TARS1: variants seen among roughly 807,000 people sequenced by gnomAD.
The protein encoded by TARS1 is threonyl-tRNA synthetase 1.
TARS1 carries 57 observed loss-of-function variants against 97.7 expected under a neutral mutation model. That is an observed-to-expected ratio of 0.58 (90% confidence interval 0.47 to 0.73). TARS1 has a LOEUF of 0.73. Ranked by LOEUF, TARS1 falls within the 30% of genes least tolerant of loss-of-function variation. The pLI is 0.00. For missense variants in TARS1, 806 were observed against 888.3 expected (o/e 0.91, Z 1.18); for synonymous variants, 312 against 293.7 (o/e 1.06, Z -0.64).
At chr5:33,459,312 G>GT (rs139535792) in intron 10 of TARS1, among the ~76,000 whole-genome samples, 3,575 of 152,240 alleles carry the variant, frequency 0.023, 52 homozygotes, top group South Asian at 0.081. Context: ...ATGTATTTGT[G>GT]TGTTACATAT....
chr5:33,452,399 A>C (rs1561071806), intron 3 of TARS1: 13 of 1,535,116 alleles, frequency 8.5e-6, no homozygotes, highest in South Asian at 1.2e-5. Context: ...ATCTGTGGCC[A>C]TTCCCTCATC....
chr5:33,445,264 G>T, intron 1 of TARS1, 60 bp from the exon 2 acceptor site: 1 of 1,257,948 alleles, frequency 7.9e-7, no homozygotes, highest in Non-Finnish European at 1.1e-6. Context: ...ACTTCCTGGG[G>T]CATCACAGGA....
intron 2 of TARS1, chr5:33,446,783 A>G (rs1026551737): frequency 4.7e-6 from 6 of 1,277,204 alleles, no homozygotes; most frequent in South Asian, 2.5e-5. Context: ...GATTATAATG[A>G]TGCTTTAGAG....
In TARS1 at chr5:33,463,547, G is replaced by A. The variant is rs111820262; in HGVS notation, c.1836-206G>A. On this transcript the variant is annotated intron_variant, in intron 16 of 18. Transcript: ENST00000265112. Reference sequence around the variant, plus strand: ...AATTGTAGTTACAGGCTTTCCTTACGTAGGGTTAGTTTTCTTCTCCTGCAT... The same window carrying A: ...AATTGTAGTTACAGGCTTTCCTTACATAGGGTTAGTTTTCTTCTCCTGCAT... Among the ~76,000 whole-genome samples, 3 of 152,280 alleles carry A rather than the reference G, an allele frequency of 2.0e-5. No homozygotes were observed. In the South Asian group the frequency reaches 6.2e-4, roughly 32 times the overall value.
chr5:33,459,591 C>T (rs1451939673), intron 10 of TARS1, 104 bp from the exon 11 acceptor site: 25 of 1,325,348 alleles, frequency 1.9e-5, no homozygotes, highest in Non-Finnish European at 1.4e-5. Context: ...GGCATGTGTC[C>T]ATCTTTTTCA....
chr5:33,467,434 C>T, intron 18 of TARS1, 126 bp from the exon 19 acceptor site: 1 of 1,035,790 alleles, frequency 9.7e-7, no homozygotes, highest in Non-Finnish European at 1.4e-6. Context: ...GTCACTTGTA[C>T]CTTTTAATGT....
At chr5:33,442,545 C>CT (rs1312136635) in intron 1 of TARS1, among the ~76,000 whole-genome samples, 4 of 151,782 alleles carry the variant, frequency 2.6e-5, no homozygotes, top group Admixed American at 6.6e-5. Context: ...ATTCAGTCTT[C>CT]TTTTTTTTGA....
chr5:33,462,168 G>A lies in TARS1; in HGVS notation c.1800G>A (p.Met600Ile), dbSNP rs780832275. 6.2e-7 allele frequency: 1 copy of A among 1,612,892 alleles called. No individual in the cohort carries two copies. The highest frequency in any genetic ancestry group is 1.1e-5 in the South Asian group (1 of 90,998). Residue 600 changes from methionine (M) to isoleucine (I), a missense_variant, in exon 16 of 19, where the codon ATG (methionine) becomes ATA (isoleucine). Met to Ile is a conservative substitution (Grantham distance 10). This residue lies in a region of TARS1 where 446 missense variants were observed against 511.0 expected (regional missense o/e 0.87). Coordinates refer to ENST00000265112, the MANE Select transcript of TARS1 (RefSeq NM_152295.5). ...HRAILGSVER[M>I]IAILTENYGG... ...CCATCTTGGGATCAGTGGAAAGAATGATTGCTATCCTCACAGAAAACTATG... is the reference window on the plus strand; with the variant it reads ...CCATCTTGGGATCAGTGGAAAGAATAATTGCTATCCTCACAGAAAACTATG...
At chr5:33,460,769 A>G (rs1452953209) in intron 11 of TARS1, 133 bp from the exon 12 acceptor site, 1 of 1,073,236 alleles carries the variant, frequency 9.3e-7, no homozygotes, top group East Asian at 2.6e-5. Context: ...TATGTAGCCC[A>G]GAATTTGAGA....
chr5:33,463,603 T>A, intron 16 of TARS1, 150 bp from the exon 17 acceptor site: 1 of 649,238 alleles, frequency 1.5e-6, no homozygotes, highest in Admixed American at 2.6e-5. Flanking sequence ...TGGATAGGTC[T>A]TTTCATTTTG....
intron 6 of TARS1, 141 bp from the exon 7 acceptor site, chr5:33,455,861 C>T: frequency 3.1e-6 from 3 of 980,534 alleles, no homozygotes; most frequent in Middle Eastern, 2.3e-4. Context: ...CATTTTTTTC[C>T]TAGCAAACCA....
intron 16 of TARS1, among the ~76,000 whole-genome samples, chr5:33,462,727 A>G (rs1742353015): frequency 6.6e-6 from 1 of 152,214 alleles, no homozygotes; most frequent in Non-Finnish European, 1.5e-5. Flanking sequence ...ACATGGCCAC[A>G]TAACTTTCAT....
In TARS1 at chr5:33,461,272, G is replaced by A. The variant is rs1368892669; in HGVS notation, c.1528G>A (p.Glu510Lys). 3.7e-6 allele frequency: 6 copies of A among 1,612,434 alleles called. No homozygotes were observed. The highest frequency in any genetic ancestry group is 1.1e-5 in the South Asian group (1 of 90,594). ...TRPEKFLGDIEVWDQAEKQLE... is the reference protein window; with the variant it reads ...TRPEKFLGDIKVWDQAEKQLE... ...CCCGGAAAAATTCCTTGGAGATATC[G>A]AAGTATGGGATCAAGCTGAGAAAGT... Residue 510 changes from glutamate (E) to lysine (K), a missense_variant, in exon 13 of 19, where the codon GAA becomes AAA. Physicochemically the swap from Glu to Lys is moderately conservative, Grantham distance 56. Coordinates refer to ENST00000265112, the MANE Select transcript of TARS1 (RefSeq NM_152295.5).
intron 3 of TARS1, among the ~76,000 whole-genome samples, chr5:33,449,745 G>A (rs549698249): frequency 7.2e-5 from 11 of 151,938 alleles, no homozygotes; most frequent in African/African-American, 2.4e-4. Flanking sequence ...GTGACCCACC[G>A]CGCCCAGCCA....
intron 3 of TARS1, chr5:33,452,548 T>G (rs1741796366): frequency 1.3e-6 from 1 of 763,916 alleles, no homozygotes; most frequent in Non-Finnish European, 2.1e-6. Context: ...ATTTCATCAC[T>G]TGATGATACT....
At chr5:33,458,469 G>A in intron 9 of TARS1, 97 bp from the exon 10 acceptor site, 1 of 940,710 alleles carries the variant, frequency 1.1e-6, no homozygotes, top group Non-Finnish European at 1.6e-6. Flanking sequence ...GGGACATCAT[G>A]ACCATATTCT....
At position 33,445,512 on chromosome 5, in the gene TARS1, G is replaced by T. The variant is rs189613550; in HGVS notation, c.138+108G>T. On this transcript the variant is annotated intron_variant, in intron 2 of 18. Transcript: ENST00000265112. ...GGGTTCTAATGGTTTACATGGTAGT[G>T]TAAGATGGTACTGGTTGGAAAAATC... 1,104 of 881,842 alleles carry T rather than the reference G, an allele frequency of 1.3e-3. 15 individuals are homozygous for T. In the African/African-American group the frequency reaches 0.017, roughly 14 times the overall value. 54.6% of individuals were successfully genotyped at this position (881,842 alleles called of 1,614,324 possible). A position where few individuals can be genotyped will look rare whatever the true frequency, so the allele number is the denominator to read the frequency against.
Position 33,440,987 on chromosome 5 carries a change from G to GAGGCCAAGTCCCGGGCGCT in TARS1, c.-97_-79dup. 1 of 1,494,928 alleles carries GAGGCCAAGTCCCGGGCGCT rather than the reference G, an allele frequency of 6.7e-7. No individual in the cohort carries two copies. The highest frequency in any genetic ancestry group is 1.2e-5 in the South Asian group (1 of 85,754). 92.6% of individuals were successfully genotyped at this position (1,494,928 alleles called of 1,614,324 possible). On this transcript the variant is annotated 5_prime_UTR_variant, in exon 1 of 19. Coordinates refer to ENST00000265112, the MANE Select transcript of TARS1 (RefSeq NM_152295.5). Reference sequence around the variant, plus strand: ...TTCGATTGCATCAGCTGGTCCAGCCGAGGCCAAGTCCCGGGCGCTAGCCCA... The same window carrying GAGGCCAAGTCCCGGGCGCT: ...TTCGATTGCATCAGCTGGTCCAGCCGAGGCCAAGTCCCGGGCGCTAGGCCAAGTCCCGGGCGCTAGCCCA...
Position 33,466,929 on chromosome 5 carries a change from G to GTA in TARS1, c.1968_1969dup (p.Thr657IlefsTer3). The GTA allele has an allele frequency of 1.2e-6, 2 of 1,605,624 alleles. No individual in the cohort carries two copies. The highest frequency in any genetic ancestry group is 1.7e-6 in the Non-Finnish European group (2 of 1,176,280). On this transcript the variant is annotated frameshift_variant, in exon 18 of 19. Coordinates refer to ENST00000265112, the MANE Select transcript of TARS1 (RefSeq NM_152295.5). LOFTEE classifies it high-confidence loss of function. ...GCAGACATTGATCTGGATCCAGGCTGTACATTGAATAAAAAGATTCGAAAT... is the reference window on the plus strand; with the variant it reads ...GCAGACATTGATCTGGATCCAGGCTGTATACATTGAATAAAAAGATTCGAAAT...
Sources: gnomAD v4.1 joint callset for allele counts (sites outside exome capture counted in the v4.1 genomes callset) on GRCh38, gnomAD v4.1.1 for gene constraint, gnomAD v4.1.1 regional missense constraint, MANE v1.5 for transcripts, NCBI Gene and HGNC (gene_info 2026-07-23, HGNC 2026-07-21) for gene names.